PARVA: variants seen among roughly 807,000 people sequenced by gnomAD.
PARVA encodes parvin alpha, also known as alpha-parvin.
Under a neutral mutation model 52.6 loss-of-function variants are expected in PARVA, and 25 were observed. That is an observed-to-expected ratio of 0.48 (90% confidence interval 0.35 to 0.66). The LOEUF (loss-of-function observed/expected upper bound fraction) is 0.66. Ranked by LOEUF, PARVA falls within the 30% of genes least tolerant of loss-of-function variation. The probability of loss-of-function intolerance (pLI) is 0.01; values close to 1 mark genes in which losing one functional copy is unlikely to be tolerated. For missense variants in PARVA, 373 were observed against 450.9 expected (o/e 0.83, Z 1.56); for synonymous variants, 185 against 179.1 (o/e 1.03, Z -0.26).
At chr11:12,413,430 G>T (rs923169682) in intron 1 of PARVA, among the ~76,000 whole-genome samples, 3 of 152,176 alleles carry the variant, frequency 2.0e-5, no homozygotes, top group Non-Finnish European at 4.4e-5. Flanking sequence ...ATGACAAAAG[G>T]ATGAGAATAT....
Position 12,516,077 on chromosome 11 carries a change from G to A in PARVA, c.868-1533G>A, listed in dbSNP as rs1055942884. Among the ~76,000 whole-genome samples the A allele has an allele frequency of 5.9e-5, 9 of 152,190 alleles. 1 individual carries two copies. Among genetic ancestry groups the A allele is most frequent in the Non-Finnish European group, 1.3e-4 (9 of 68,036 alleles). On this transcript the variant is annotated intron_variant, in intron 10 of 12. Transcript: ENST00000334956. ...CAGTCTGGAACTCCTGAGCTCAAGC[G>A]ATCCGCCTGCCTCAGCCTCCCAAAG... is the stretch of plus-strand genomic sequence containing the variant.
At chr11:12,479,475 T>C (rs1941056126) in intron 4 of PARVA, 1 of 152,250 alleles carries the variant, frequency 6.6e-6, no homozygotes, top group Non-Finnish European at 1.5e-5. Context: ...AGCTAATTTT[T>C]GTATTTTTTC....
chr11:12,463,015 C>G (rs997618407), intron 1 of PARVA, among the ~76,000 whole-genome samples: 2 of 151,984 alleles, frequency 1.3e-5, no homozygotes, highest in East Asian at 3.9e-4. Context: ...TGGATTTCCA[C>G]CCCCAACCCT....
chr11:12,459,880 GA>G (rs564406168), intron 1 of PARVA, among the ~76,000 whole-genome samples: 1 of 151,726 alleles, frequency 6.6e-6, no homozygotes, highest in Non-Finnish European at 1.5e-5. Context: ...TTTATAGTCA[GA>G]AAAAAAATCA....
At chr11:12,383,321 T>A (rs1939521354) in intron 1 of PARVA, among the ~76,000 whole-genome samples, 1 of 152,228 alleles carries the variant, frequency 6.6e-6, no homozygotes, top group African/African-American at 2.4e-5. Flanking sequence ...CAAGACGTGC[T>A]CTTTCAAGCA....
chr11:12,517,341 C>T (rs1174183139), intron 10 of PARVA, among the ~76,000 whole-genome samples: 1 of 131,438 alleles, frequency 7.6e-6, no homozygotes, highest in African/African-American at 2.7e-5. Context: ...TGCTCTGGTC[C>T]CCATGCCTAG....
chr11:12,422,966 C>T (rs1310793965), intron 1 of PARVA, among the ~76,000 whole-genome samples: 5 of 152,180 alleles, frequency 3.3e-5, no homozygotes, highest in Admixed American at 6.5e-5. Context: ...GCAATTCTCG[C>T]GCCTCAGCCT....
rs1397567805 is a variant in PARVA at position 12,507,060 on chromosome 11, T to C, written c.658-1524T>C. Among the ~76,000 whole-genome samples, 5 of 4,358 alleles carry C rather than the reference T, an allele frequency of 1.1e-3. No individual in the cohort carries two copies. In the Non-Finnish European group the frequency reaches 0.069, roughly 60 times the overall value. 2.9% of individuals were successfully genotyped at this position (4,358 alleles called of 152,430 possible). A position where few individuals can be genotyped will look rare whatever the true frequency, so the allele number is the denominator to read the frequency against. On this transcript the variant is annotated intron_variant, in intron 6 of 12. Transcript: ENST00000334956. Reference sequence around the variant, plus strand: ...ACCTGGTCCTCTTTAAATGATAGATTTTTTTTTTTCTTTTACCTCCTTTTT... The same window carrying C: ...ACCTGGTCCTCTTTAAATGATAGATCTTTTTTTTTCTTTTACCTCCTTTTT...
intron 1 of PARVA, among the ~76,000 whole-genome samples, chr11:12,461,235 T>A (rs1036827358): frequency 5.3e-5 from 8 of 152,188 alleles, no homozygotes; most frequent in Admixed American, 5.2e-4. Context: ...GTGAGATAAG[T>A]AATGCCAGCT....
chr11:12,431,878 C>T (rs889925316), intron 1 of PARVA, among the ~76,000 whole-genome samples: 2 of 152,232 alleles, frequency 1.3e-5, no homozygotes, highest in East Asian at 3.8e-4. Flanking sequence ...TCTAAGCAAC[C>T]ATTTGAATCT....
In PARVA at chr11:12,517,936, G is replaced by C. The variant is rs6485801; in HGVS notation, c.969+225G>C. Among the ~76,000 whole-genome samples the C allele has an allele frequency of 3.7e-3, 561 of 152,274 alleles. 8 individuals carry two copies. The highest frequency in any genetic ancestry group is 0.013 in the African/African-American group (533 of 41,562). On this transcript the variant is annotated intron_variant, in intron 11 of 12. Transcript: ENST00000334956. ...TTCCCTTGCCCTGAAGCCTGGCCCG[G>C]GTCCCCTGCCCTGTGTCCCTGTCAA...
intron 5 of PARVA, among the ~76,000 whole-genome samples, chr11:12,500,858 C>T (rs1941355161): frequency 6.6e-6 from 1 of 151,732 alleles, no homozygotes; most frequent in Non-Finnish European, 1.5e-5. Context: ...CCTGTAATCC[C>T]AGCACTTTGG....
chr11:12,394,391 C>A (rs921749513), intron 1 of PARVA, among the ~76,000 whole-genome samples: 1 of 152,158 alleles, frequency 6.6e-6, no homozygotes, highest in African/African-American at 2.4e-5. Flanking sequence ...AATGTAAACA[C>A]TCATGGGAGA....
chr11:12,440,926 A>G (rs1313936373), intron 1 of PARVA, among the ~76,000 whole-genome samples: 1 of 152,200 alleles, frequency 6.6e-6, no homozygotes, highest in African/African-American at 2.4e-5. Flanking sequence ...GGGTAACTCA[A>G]ATCAAAACTA....
In PARVA at chr11:12,531,824, G is replaced by A. The variant is rs1311394056; in HGVS notation, c.*3899G>A. ...GCTGAAAACAAGAGAGCTGCATTAA[G>A]CTGCAAGGCCGGGTAGGGTAGGTAG... On this transcript the variant is annotated 3_prime_UTR_variant, in exon 13 of 13. Coordinates refer to ENST00000334956, the MANE Select transcript of PARVA (RefSeq NM_018222.5). 6.6e-6 allele frequency among the ~76,000 whole-genome samples: 1 copy of A among 152,232 alleles called. No homozygotes were observed. Among genetic ancestry groups the A allele is most frequent in the Non-Finnish European group, 1.5e-5 (1 of 68,012 alleles).
intron 1 of PARVA, among the ~76,000 whole-genome samples, chr11:12,399,950 C>T (rs1252113961): frequency 4.0e-5 from 6 of 151,894 alleles, no homozygotes; most frequent in Non-Finnish European, 5.9e-5. Flanking sequence ...GGTAAATTTC[C>T]TAGAATGGAA....
chr11:12,439,985 A>G (rs754753460), intron 1 of PARVA, among the ~76,000 whole-genome samples: 2 of 151,884 alleles, frequency 1.3e-5, no homozygotes, highest in Non-Finnish European at 2.9e-5. Flanking sequence ...TTTCTCTTAC[A>G]ACCTGTCACT....
At chr11:12,433,520 T>G (rs77340025) in intron 1 of PARVA, among the ~76,000 whole-genome samples, 11,343 of 152,252 alleles carry the variant, frequency 0.075, 885 homozygotes, top group East Asian at 0.24. Context: ...TTTTGTTTTT[T>G]GTTTTTTTAA....
At chr11:12,474,950 T>C (rs1477921787) in intron 3 of PARVA, among the ~76,000 whole-genome samples, 1 of 132,438 alleles carries the variant, frequency 7.6e-6, no homozygotes, top group Non-Finnish European at 1.6e-5. Context: ...TGACCCTGTC[T>C]CAAAAAAAAA....
Sources: gnomAD v4.1 joint callset for allele counts (sites outside exome capture counted in the v4.1 genomes callset) on GRCh38, gnomAD v4.1.1 for gene constraint, MANE v1.5 for transcripts, NCBI Gene and HGNC (gene_info 2026-07-23, HGNC 2026-07-21) for gene names.